The following COL21A1 variants were observed in gnomAD, a reference collection of about 807,000 sequenced individuals.
COL21A1 encodes collagen alpha-1(XXI) chain.
Under a neutral mutation model 137.9 loss-of-function variants are expected in COL21A1, and 149 were observed. The ratio of observed to expected loss-of-function variants is 1.08; its 90% CI spans 0.95 to 1.24. The LOEUF (loss-of-function observed/expected upper bound fraction) is 1.24, where lower values mean the gene tolerates loss of function less well. COL21A1 is among the 50% of genes most tolerant of loss of function. COL21A1 has a pLI of 0.00. For missense variants in COL21A1, 1,167 were observed against 1,158.4 expected (o/e 1.01, Z -0.11); for synonymous variants, 456 against 391.5 (o/e 1.16, Z -1.95).
At chr6:56,137,996 C>T (rs181559894) in intron 12 of COL21A1, among the ~76,000 whole-genome samples, 35 of 152,204 alleles carry the variant, frequency 2.3e-4, no homozygotes, top group Admixed American at 2.1e-3. Flanking sequence ...TTAGGGAGGG[C>T]AAAGCTAGTG....
chr6:56,379,427 G>C (rs1376990248), intron 1 of COL21A1, among the ~76,000 whole-genome samples: 1 of 152,194 alleles, frequency 6.6e-6, no homozygotes, highest in Non-Finnish European at 1.5e-5. Context: ...ATCCGAAATG[G>C]GGAGAATGCA....
In COL21A1 at chr6:56,124,539, C is replaced by A. The variant is rs551894222; in HGVS notation, c.1651-247G>T. Among the ~76,000 whole-genome samples, 553 of 152,202 alleles carry A rather than the reference C, an allele frequency of 3.6e-3. 6 individuals carry two copies. Among genetic ancestry groups the A allele is most frequent in the African/African-American group, 0.013 (526 of 41,518 alleles). ...TCTAAACATAGAAATAACATCTTGG[C>A]AAAATTAAAAAGCAATGGGTATTTT... On this transcript the variant is annotated intron_variant, in intron 14 of 29. Transcript: ENST00000244728.
At chr6:56,059,301 T>A in intron 28 of COL21A1, 59 bp from the exon 29 acceptor site, 1 of 1,207,710 alleles carries the variant, frequency 8.3e-7, no homozygotes. Context: ...CTAGATTGTT[T>A]CATTCAAAGC....
intron 1 of COL21A1, among the ~76,000 whole-genome samples, chr6:56,342,635 C>T (rs1765495801): frequency 6.6e-6 from 1 of 152,182 alleles, no homozygotes; most frequent in East Asian, 1.9e-4. Context: ...ATGAGAAACA[C>T]TCACATGTGA....
intron 1 of COL21A1, among the ~76,000 whole-genome samples, chr6:56,334,714 G>A (rs1340101383): frequency 6.6e-6 from 1 of 152,076 alleles, no homozygotes. Flanking sequence ...AAATGTAATT[G>A]CCAGTATAAC....
intron 1 of COL21A1, among the ~76,000 whole-genome samples, chr6:56,360,123 T>C (rs1271226164): frequency 6.6e-6 from 1 of 152,130 alleles, no homozygotes; most frequent in African/African-American, 2.4e-5. Context: ...GAAGATACAA[T>C]GGTGATGAGA....
intron 17 of COL21A1, among the ~76,000 whole-genome samples, chr6:56,096,728 T>G (rs755480697): frequency 6.6e-6 from 1 of 152,172 alleles, no homozygotes; most frequent in East Asian, 1.9e-4. Context: ...CTGTGTTTAA[T>G]TAGCTTTAAA....
intron 17 of COL21A1, among the ~76,000 whole-genome samples, chr6:56,100,091 A>G (rs578011001): frequency 6.6e-6 from 1 of 152,226 alleles, no homozygotes; most frequent in African/African-American, 2.4e-5. Context: ...GGCCCTAGCC[A>G]AGTTTCTACC....
chr6:56,171,301 T>C (rs1023107304), intron 3 of COL21A1, among the ~76,000 whole-genome samples, 173 bp from the exon 4 acceptor site: 2 of 151,978 alleles, frequency 1.3e-5, no homozygotes, highest in East Asian at 3.9e-4. Flanking sequence ...TCTGAGAAAA[T>C]GTAGAAGTAT....
intron 16 of COL21A1, among the ~76,000 whole-genome samples, chr6:56,109,535 T>C (rs1392456007): frequency 2.6e-5 from 4 of 151,394 alleles, no homozygotes; most frequent in African/African-American, 9.7e-5. Flanking sequence ...CAAATTCCCA[T>C]GGAAAAAAAT....
intron 1 of COL21A1, among the ~76,000 whole-genome samples, chr6:56,314,547 A>T (rs1176040625): frequency 1.3e-5 from 2 of 152,178 alleles, no homozygotes; most frequent in African/African-American, 4.8e-5. Context: ...CTCGGCCAAG[A>T]TATTTAAATC....
chr6:56,244,201 T>C (rs899072258), intron 1 of COL21A1, among the ~76,000 whole-genome samples: 2 of 152,168 alleles, frequency 1.3e-5, no homozygotes, highest in Non-Finnish European at 2.9e-5. Context: ...TTATATCTGC[T>C]CTGGACCCTA....
At chr6:56,329,338 C>A (rs575105775) in intron 1 of COL21A1, among the ~76,000 whole-genome samples, 22 of 152,134 alleles carry the variant, frequency 1.4e-4, no homozygotes, top group African/African-American at 5.3e-4. Context: ...GTTCTTTGAG[C>A]TTTGCCCCAG....
chr6:56,190,001 A>G (rs556183454), intron 1 of COL21A1, among the ~76,000 whole-genome samples: 20 of 152,320 alleles, frequency 1.3e-4, no homozygotes, highest in Non-Finnish European at 2.1e-4. Flanking sequence ...ACTGGTAGCA[A>G]CCACTGCAAA....
chr6:56,139,781 C>A (rs1403135049), intron 12 of COL21A1, among the ~76,000 whole-genome samples: 1 of 152,048 alleles, frequency 6.6e-6, no homozygotes, highest in Non-Finnish European at 1.5e-5. Context: ...AGGTAAGGAA[C>A]TTTATTCAGG....
At chr6:56,135,565 A>G (rs1773934015) in intron 12 of COL21A1, among the ~76,000 whole-genome samples, 1 of 152,226 alleles carries the variant, frequency 6.6e-6, no homozygotes, top group African/African-American at 2.4e-5. Flanking sequence ...CTATGAAGTT[A>G]ACCCTTTGAT....
At chr6:56,098,298 C>A (rs866579545) in intron 17 of COL21A1, among the ~76,000 whole-genome samples, 15 of 20,578 alleles carry the variant, frequency 7.3e-4, no homozygotes, top group East Asian at 1.9e-3. Flanking sequence ...TATATAAATA[C>A]ATATGTAAAT....
At chr6:56,246,284 G>T (rs1782639262) in intron 1 of COL21A1, among the ~76,000 whole-genome samples, 2 of 152,028 alleles carry the variant, frequency 1.3e-5, no homozygotes, top group Non-Finnish European at 2.9e-5. Flanking sequence ...TTTCATCAGG[G>T]GTCAAAGATT....
In COL21A1 at chr6:56,180,087, C is replaced by T. The variant is rs757528259; in HGVS notation, c.131G>A (p.Gly44Asp). ...GTTTTCTGGGCCAACACTATAAGAG[C>T]CATCTAAGATGAAAACTAAATCTGT... Reference protein sequence around the residue: ...APTDLVFILDGSYSVGPENFE... With the variant: ...APTDLVFILDDSYSVGPENFE... Residue 44 changes from glycine to aspartate, a missense_variant, in exon 3 of 30, where the codon GGC (glycine) becomes GAC (aspartate). Physicochemically the swap from Gly to Asp is moderately conservative, Grantham distance 94 (BLOSUM62 -1). Coordinates refer to ENST00000244728, the MANE Select transcript of COL21A1 (RefSeq NM_030820.4). 7.4e-6 allele frequency: 12 copies of T among 1,613,354 alleles called. No individual in the cohort carries two copies. The highest frequency in any genetic ancestry group is 1.0e-5 in the Non-Finnish European group (12 of 1,179,700).
Sources: gnomAD v4.1 joint callset for allele counts (sites outside exome capture counted in the v4.1 genomes callset) on GRCh38, gnomAD v4.1.1 for gene constraint, MANE v1.5 for transcripts, NCBI Gene and HGNC (gene_info 2026-07-23, HGNC 2026-07-21) for gene names.